Variants in HIVEP1 observed in about 807,000 individuals in gnomAD.
HIVEP1 encodes the protein zinc finger protein 40.
A neutral mutation model predicts 180.0 loss-of-function variants in HIVEP1; 36 were observed. The ratio of observed to expected loss-of-function variants is 0.20; its 90% CI spans 0.15 to 0.26. The LOEUF (loss-of-function observed/expected upper bound fraction) is 0.26, where lower values mean the gene tolerates loss of function less well. HIVEP1 is among the 10% of genes least tolerant of loss of function. The pLI is 1.00. For missense variants in HIVEP1, 3,143 were observed against 3,268.7 expected (o/e 0.96, Z 0.94); for synonymous variants, 1,239 against 1,239.0 (o/e 1.00, Z 0.00).
chr6:12,100,080 T>A (rs1357666390), intron 3 of HIVEP1, among the ~76,000 whole-genome samples: 1 of 152,222 alleles, frequency 6.6e-6, no homozygotes, highest in Non-Finnish European at 1.5e-5. Context: ...GGTGGGAGGT[T>A]GTGATAGTGT....
chr6:12,165,796 G>A (rs1332541100), downstream of HIVEP1, among the ~76,000 whole-genome samples: 1 of 152,230 alleles, frequency 6.6e-6, no homozygotes, highest in Non-Finnish European at 1.5e-5. Context: ...GGTTTGCGAG[G>A]TGAGAGGTAG....
At chr6:12,075,961 G>C (rs942713855) in intron 2 of HIVEP1, among the ~76,000 whole-genome samples, 1 of 152,074 alleles carries the variant, frequency 6.6e-6, no homozygotes, top group African/African-American at 2.4e-5. Context: ...TAAACATTTC[G>C]TTAGAATGAG....
the HIVEP1 span, among the ~76,000 whole-genome samples, chr6:12,177,794 T>C: frequency 6.6e-6 from 1 of 152,230 alleles, no homozygotes; most frequent in Non-Finnish European, 1.5e-5. Context: ...TTGTTATTTG[T>C]TATTCATTTG....
chr6:12,174,421 A>G, the HIVEP1 span, among the ~76,000 whole-genome samples: 1 of 152,168 alleles, frequency 6.6e-6, no homozygotes. Flanking sequence ...AAATAGTTGT[A>G]AAATATTTAG....
intron 2 of HIVEP1, among the ~76,000 whole-genome samples, chr6:12,055,905 T>C (rs748470246): frequency 1.3e-5 from 2 of 152,236 alleles, no homozygotes; most frequent in African/African-American, 2.4e-5. Context: ...CAGGGAGATA[T>C]GGAAGGCTAG....
chr6:12,195,223 G>A, the HIVEP1 span, among the ~76,000 whole-genome samples: 4 of 152,178 alleles, frequency 2.6e-5, no homozygotes, highest in Non-Finnish European at 4.4e-5. Context: ...GCTACTAGAC[G>A]AGTTCCCTGA....
the HIVEP1 span, among the ~76,000 whole-genome samples, chr6:12,193,792 G>A: frequency 6.6e-6 from 1 of 152,176 alleles, no homozygotes; most frequent in African/African-American, 2.4e-5. Context: ...TGCAAGTTAT[G>A]AGAAAGAGAC....
the HIVEP1 span, among the ~76,000 whole-genome samples, chr6:12,194,554 A>G: frequency 2.6e-5 from 4 of 151,220 alleles, no homozygotes; most frequent in Non-Finnish European, 5.9e-5. Context: ...TAATCCCAGC[A>G]CTTTGGGAGG....
chr6:12,166,239 TAACTC>T (rs1041948040), downstream of HIVEP1, among the ~76,000 whole-genome samples: 5 of 152,210 alleles, frequency 3.3e-5, no homozygotes, highest in African/African-American at 9.6e-5. Context: ...AGCATATTCT[TAACTC>T]CATAATTAAG....
intron 3 of HIVEP1, among the ~76,000 whole-genome samples, chr6:12,116,427 C>T (rs1208206201): frequency 6.6e-6 from 1 of 152,026 alleles, no homozygotes; most frequent in Non-Finnish European, 1.5e-5. Context: ...GAGAGGCAGG[C>T]ACCTTGCTTT....
At chr6:12,048,564 C>T (rs975643671) in intron 2 of HIVEP1, among the ~76,000 whole-genome samples, 2 of 152,152 alleles carry the variant, frequency 1.3e-5, no homozygotes, top group African/African-American at 2.4e-5. Context: ...TAAAAACATG[C>T]ACAATCTGTT....
At chr6:12,032,139 C>CT (rs71877836) in intron 2 of HIVEP1, among the ~76,000 whole-genome samples, 5,612 of 133,702 alleles carry the variant, frequency 0.042, 437 homozygotes, top group African/African-American at 0.13. Flanking sequence ...CACTGATAAC[C>CT]TTTTTTTTTT....
rs76014961 is a variant in HIVEP1, at chr6:12,021,258, C to T, written c.40+5590C>T. 0.012 allele frequency among the ~76,000 whole-genome samples: 1,818 copies of T among 152,268 alleles called. 72 individuals are homozygous for T. In the East Asian group the frequency reaches 0.15, roughly 13 times the overall value. The stretch of plus-strand genomic sequence containing the variant: ...CATGGCCTTGATTGACACATGGGGT[C>T]GCTTTCCACGGTTGGCCTTCTTGTT... On this transcript the variant is annotated intron_variant, in intron 2 of 8. Transcript: ENST00000379388.
Position 12,123,356 on chromosome 6 carries a change from T to A in HIVEP1, c.3561T>A (p.Ser1187=). The A allele has an allele frequency of 6.2e-7, 1 of 1,614,136 alleles. No individual in the cohort carries two copies. The highest frequency in any genetic ancestry group is 8.5e-7 in the Non-Finnish European group (1 of 1,180,018). ...IGISQEESHP[S]RDGSHPHQLA... ...TCTCCCAAGAGGAAAGTCACCCTTC[T>A]CGGGACGGGTCTCATCCTCACCAGC... is the stretch of plus-strand genomic sequence containing the variant. Residue 1187 remains serine (S), a synonymous_variant, in exon 4 of 9, where the codon TCT becomes TCA. Coordinates refer to ENST00000379388, the MANE Select transcript of HIVEP1 (RefSeq NM_002114.4).
chr6:12,127,741 AAG>A lies in HIVEP1; in HGVS notation c.6075+1874_6075+1875del, dbSNP rs1418480135. ...GTCCACACTCCTGTATGGAAACTGA[AAG>A]AGTTTGATCATAGAGGAAGGATAAG... On this transcript the variant is annotated intron_variant, in intron 4 of 8. Coordinates refer to ENST00000379388, the MANE Select transcript of HIVEP1 (RefSeq NM_002114.4). Among the ~76,000 whole-genome samples, 4 of 152,324 alleles carry A rather than the reference AAG, an allele frequency of 2.6e-5. No individual in the cohort carries two copies. The East Asian group carries it at 7.7e-4, about 29-fold the overall frequency.
At chr6:12,025,730 T>C (rs1768538334) in intron 2 of HIVEP1, among the ~76,000 whole-genome samples, 1 of 152,202 alleles carries the variant, frequency 6.6e-6, no homozygotes, top group South Asian at 2.1e-4. Flanking sequence ...TCTTCCACAC[T>C]GCAGGTAAAG....
At chr6:12,051,724 ATTACT>A (rs199683292) in intron 2 of HIVEP1, among the ~76,000 whole-genome samples, 2,275 of 152,096 alleles carry the variant, frequency 0.015, 42 homozygotes, top group Non-Finnish European at 0.023. Flanking sequence ...TATTACTAAA[ATTACT>A]TTATTAGGTG....
At chr6:12,192,848 C>T in the HIVEP1 span, among the ~76,000 whole-genome samples, 1 of 145,462 alleles carries the variant, frequency 6.9e-6, no homozygotes, top group South Asian at 2.2e-4. Context: ...TTGAAACATA[C>T]TTTTTTTTTT....
In HIVEP1 at chr6:12,163,589, C is replaced by G; in HGVS notation, c.7285C>G (p.Pro2429Ala). The change falls in exon 9 of 9, where the codon CCT becomes GCT. Residue 2429 changes from proline (P) to alanine (A), a missense_variant. Coordinates refer to ENST00000379388, the MANE Select transcript of HIVEP1 (RefSeq NM_002114.4). The part of the protein sequence containing the change: ...LQAGPVQLTI[P>A]AVSVVHRTLG... Reference sequence around the variant, plus strand: ...GGCTGGACCAGTGCAGCTCACGATCCCTGCTGTCAGTGTCGTTCACAGAAC... The same window carrying G: ...GGCTGGACCAGTGCAGCTCACGATCGCTGCTGTCAGTGTCGTTCACAGAAC... 6.2e-7 allele frequency: 1 copy of G among 1,614,202 alleles called. No individual in the cohort carries two copies. The highest frequency in any genetic ancestry group is 1.1e-5 in the South Asian group (1 of 91,090).
Sources: allele counts gnomAD v4.1 joint callset (sites outside exome capture counted in the v4.1 genomes callset), GRCh38; gene constraint gnomAD v4.1.1; transcripts MANE v1.5; gene names NCBI Gene and HGNC (gene_info 2026-07-23, HGNC 2026-07-21).